The following FHIT variants were observed in gnomAD, a reference collection of about 807,000 sequenced individuals.
FHIT encodes the protein fragile histidine triad diadenosine triphosphatase, also known as bis(5'-adenosyl)-triphosphatase.
In FHIT, 19 loss-of-function variants were observed where a neutral mutation model predicts 17.9. The ratio of observed to expected loss-of-function variants is 1.06; its 90% CI spans 0.74 to 1.56. The LOEUF is 1.56. FHIT is among the 40% of genes most tolerant of loss of function. The pLI is 0.00. For synonymous variants in FHIT, 81 were observed against 69.7 expected (o/e 1.16, Z -0.81); for missense variants, 248 against 189.2 (o/e 1.31, Z -1.82).
At chr3:60,572,329 TTTC>T (rs150838695) in intron 4 of FHIT, among the ~76,000 whole-genome samples, 6,316 of 151,970 alleles carry the variant, frequency 0.042, 433 homozygotes, top group African/African-American at 0.14. Flanking sequence ...TATATAATTC[TTTC>T]TTTTTAATTA....
intron 7 of FHIT, among the ~76,000 whole-genome samples, chr3:59,948,126 G>A (rs985993418): frequency 6.6e-6 from 1 of 152,008 alleles, no homozygotes; most frequent in Non-Finnish European, 1.5e-5. Flanking sequence ...ACAGATTTTT[G>A]TGTACACATA....
intron 4 of FHIT, among the ~76,000 whole-genome samples, chr3:60,764,788 AC>A (rs1699792637): frequency 6.6e-6 from 1 of 150,844 alleles, no homozygotes; most frequent in Non-Finnish European, 1.5e-5. Context: ...TAATAAATGT[AC>A]AAATATATAA....
At chr3:60,080,577 A>C (rs1205885091) in intron 5 of FHIT, among the ~76,000 whole-genome samples, 1 of 152,156 alleles carries the variant, frequency 6.6e-6, no homozygotes, top group East Asian at 1.9e-4. Context: ...TTATACAATA[A>C]ATTCTGAGCA....
intron 5 of FHIT, among the ~76,000 whole-genome samples, chr3:60,181,237 C>G (rs896912638): frequency 6.6e-6 from 1 of 151,104 alleles, no homozygotes; most frequent in Admixed American, 6.6e-5. Context: ...CCTCTGCCTC[C>G]TGGGTTCAAG....
intron 8 of FHIT, among the ~76,000 whole-genome samples, chr3:59,880,852 C>G (rs1703378067): frequency 6.6e-6 from 1 of 152,130 alleles, no homozygotes; most frequent in African/African-American, 2.4e-5. Context: ...TTAGCCAAAA[C>G]AGTATTGTGC....
At chr3:60,495,182 A>G (rs2034247063) in intron 5 of FHIT, among the ~76,000 whole-genome samples, 1 of 151,748 alleles carries the variant, frequency 6.6e-6, no homozygotes, top group Non-Finnish European at 1.5e-5. Context: ...GAGTGAGATG[A>G]TATCTCGTTG....
At chr3:60,104,284 A>G (rs1704315262) in intron 5 of FHIT, among the ~76,000 whole-genome samples, 1 of 152,178 alleles carries the variant, frequency 6.6e-6, no homozygotes, top group South Asian at 2.1e-4. Context: ...TGTTCATTAA[A>G]TACCAACTCT....
chr3:59,748,605 T>C lies in FHIT; in HGVS notation c.*980A>G, dbSNP rs1477303555. Among the ~76,000 whole-genome samples, 1 of 151,962 alleles carries C rather than the reference T, an allele frequency of 6.6e-6. No individual in the cohort carries two copies. The highest frequency in any genetic ancestry group is 2.1e-4 in the South Asian group (1 of 4,820). On this transcript the variant is annotated 3_prime_UTR_variant, in exon 10 of 10. Transcript: ENST00000492590. Reference sequence around the variant, plus strand: ...CTCAAGGCAGAAATAGGCCAGTAGATAAGGTGAAGAGGCTAAGAAGACTAT... The same window carrying C: ...CTCAAGGCAGAAATAGGCCAGTAGACAAGGTGAAGAGGCTAAGAAGACTAT...
At chr3:59,983,434 A>G in intron 7 of FHIT, among the ~76,000 whole-genome samples, 1 of 152,150 alleles carries the variant, frequency 6.6e-6, no homozygotes, top group East Asian at 1.9e-4. Flanking sequence ...AGAGCAAGAA[A>G]AAGACCACAA....
intron 5 of FHIT, among the ~76,000 whole-genome samples, chr3:60,060,554 T>C (rs937471292): frequency 7.2e-5 from 11 of 152,364 alleles, no homozygotes; most frequent in African/African-American, 2.6e-4. Context: ...GAAATGGTTC[T>C]GCAGTTTCTC....
chr3:59,931,142 C>G (rs926310946), intron 7 of FHIT, among the ~76,000 whole-genome samples: 2 of 152,204 alleles, frequency 1.3e-5, no homozygotes, highest in Non-Finnish European at 2.9e-5. Flanking sequence ...AATATTCAGT[C>G]AATTCCAGCA....
intron 5 of FHIT, among the ~76,000 whole-genome samples, chr3:60,373,005 A>G (rs1700397174): frequency 1.3e-5 from 2 of 151,898 alleles, no homozygotes; most frequent in African/African-American, 4.8e-5. Context: ...AAAAATGTCA[A>G]AATAATTGGA....
chr3:60,061,453 T>G (rs758641688), intron 5 of FHIT, among the ~76,000 whole-genome samples: 11 of 152,198 alleles, frequency 7.2e-5, no homozygotes, highest in Non-Finnish European at 1.5e-4. Context: ...TCCTTTTTTA[T>G]GCTCTTTCCC....
At position 59,979,277 on chromosome 3, in the gene FHIT, G is replaced by A. The variant is rs568149543; in HGVS notation, c.279+32094C>T. On this transcript the variant is annotated intron_variant, in intron 7 of 9. Transcript: ENST00000492590. ...AGCATGGCAGAATTTTAGATTCACA[G>A]GTTGTTTGTACAGTTAGTGCATTTA... Among the ~76,000 whole-genome samples the A allele has an allele frequency of 2.6e-5, 4 of 152,208 alleles. No homozygotes were observed. In the South Asian group the frequency reaches 6.2e-4, roughly 24 times the overall value.
intron 3 of FHIT, among the ~76,000 whole-genome samples, chr3:60,956,804 C>A (rs530289095): frequency 1.3e-5 from 2 of 152,286 alleles, no homozygotes; most frequent in South Asian, 4.1e-4. Flanking sequence ...TAATAGAAAT[C>A]CAGATTTTCA....
chr3:59,996,186 G>A (rs1050745560), intron 7 of FHIT, among the ~76,000 whole-genome samples: 5 of 152,086 alleles, frequency 3.3e-5, no homozygotes, highest in Non-Finnish European at 7.4e-5. Context: ...CCTAACAGCA[G>A]GGGGTATTAT....
chr3:61,039,879 G>A (rs1434640076), intron 3 of FHIT, among the ~76,000 whole-genome samples: 1 of 152,022 alleles, frequency 6.6e-6, no homozygotes, highest in Non-Finnish European at 1.5e-5. Flanking sequence ...AACTTGTAAG[G>A]GATATCAACT....
At chr3:60,790,487 T>C (rs1700737220) in intron 4 of FHIT, among the ~76,000 whole-genome samples, 1 of 152,318 alleles carries the variant, frequency 6.6e-6, no homozygotes, top group Non-Finnish European at 1.5e-5. Context: ...TCCTGAGTTA[T>C]CACAACAGGA....
chr3:60,928,085 T>G (rs1395131110), intron 3 of FHIT, among the ~76,000 whole-genome samples: 1 of 152,052 alleles, frequency 6.6e-6, no homozygotes, highest in Non-Finnish European at 1.5e-5. Flanking sequence ...AAGATGTGCT[T>G]TATTAAACAG....
Sources: allele counts gnomAD v4.1 joint callset (sites outside exome capture counted in the v4.1 genomes callset), GRCh38; gene constraint gnomAD v4.1.1; transcripts MANE v1.5; gene names NCBI Gene and HGNC (gene_info 2026-07-23, HGNC 2026-07-21).